XPR1: variants seen among roughly 807,000 people sequenced by gnomAD.
XPR1 encodes xenotropic and polytropic retrovirus receptor 1.
Under a neutral mutation model 87.5 loss-of-function variants are expected in XPR1, and 28 were observed. That is an observed-to-expected ratio of 0.32 (90% CI 0.24 to 0.44). The LOEUF is 0.44. XPR1 is among the 20% of genes least tolerant of loss of function. The pLI, the probability that XPR1 is intolerant of heterozygous loss-of-function variation, is 1.00. For missense variants in XPR1, 559 were observed against 862.3 expected (o/e 0.65, Z 4.41); for synonymous variants, 300 against 306.1 (o/e 0.98, Z 0.21).
At chr1:180,762,821 G>T (rs575871897) in intron 2 of XPR1, among the ~76,000 whole-genome samples, 1 of 152,284 alleles carries the variant, frequency 6.6e-6, no homozygotes, top group African/African-American at 2.4e-5. Context: ...ACTCTACTGG[G>T]ATGTACTAAT....
intron 2 of XPR1, among the ~76,000 whole-genome samples, chr1:180,705,332 G>A (rs1376320938): frequency 6.6e-6 from 1 of 152,098 alleles, no homozygotes; most frequent in Non-Finnish European, 1.5e-5. Flanking sequence ...CAGTGAAATT[G>A]GAAAAGGAAA....
chr1:180,639,406 TATTG>T (rs71661642), intron 1 of XPR1, among the ~76,000 whole-genome samples: 3,111 of 152,256 alleles, frequency 0.02, 107 homozygotes, highest in African/African-American at 0.071. Flanking sequence ...AGGCTTAATA[TATTG>T]ATTAAGAAAA....
At chr1:180,724,527 G>A (rs897113403) in intron 2 of XPR1, among the ~76,000 whole-genome samples, 6 of 152,138 alleles carry the variant, frequency 3.9e-5, no homozygotes, top group Admixed American at 6.6e-5. Context: ...TGGAAAAGTC[G>A]TAATGTAAAC....
At chr1:180,695,670 A>C (rs1411650570) in intron 2 of XPR1, among the ~76,000 whole-genome samples, 1 of 151,938 alleles carries the variant, frequency 6.6e-6, no homozygotes, top group Non-Finnish European at 1.5e-5. Context: ...TTTTCCCAGC[A>C]CCATTTTTTG....
At chr1:180,743,224 T>G (rs867534074) in intron 2 of XPR1, among the ~76,000 whole-genome samples, 1,873 of 149,452 alleles carry the variant, frequency 0.013, 10 homozygotes, top group African/African-American at 0.012. Context: ...CTTTTTTTTT[T>G]GGGGGGGGAG....
intron 2 of XPR1, among the ~76,000 whole-genome samples, chr1:180,705,568 C>G (rs987094698): frequency 1.3e-5 from 2 of 151,996 alleles, no homozygotes; most frequent in Non-Finnish European, 2.9e-5. Context: ...GCCATTACAA[C>G]AAGAAAATGA....
chr1:180,823,371 T>C (rs1413269847), intron 7 of XPR1, among the ~76,000 whole-genome samples: 1 of 152,112 alleles, frequency 6.6e-6, no homozygotes, highest in Non-Finnish European at 1.5e-5. Flanking sequence ...TAAAACGAAA[T>C]ATGTTGATTC....
intron 11 of XPR1, among the ~76,000 whole-genome samples, chr1:180,840,575 T>C (rs1456465883): frequency 8.3e-6 from 1 of 120,518 alleles, no homozygotes; most frequent in Non-Finnish European, 1.7e-5. Flanking sequence ...TGTATATATA[T>C]ATATATATAT....
chr1:180,769,732 A>G (rs1156245755), intron 2 of XPR1, among the ~76,000 whole-genome samples: 1 of 152,218 alleles, frequency 6.6e-6, no homozygotes, highest in Non-Finnish European at 1.5e-5. Context: ...AACGGCTGCA[A>G]CAAACATGGG....
At chr1:180,646,171 T>A (rs750037656) in intron 1 of XPR1, among the ~76,000 whole-genome samples, 7 of 152,182 alleles carry the variant, frequency 4.6e-5, no homozygotes, top group Non-Finnish European at 8.8e-5. Context: ...ATTTGTCTAG[T>A]TACAGTGCAA....
chr1:180,721,820 G>T (rs956872456), intron 2 of XPR1, among the ~76,000 whole-genome samples: 1 of 151,952 alleles, frequency 6.6e-6, no homozygotes, highest in South Asian at 2.1e-4. Flanking sequence ...TTTTTCTTAC[G>T]ACTTTCTTTT....
intron 3 of XPR1, among the ~76,000 whole-genome samples, chr1:180,790,485 A>G (rs549199555): frequency 2.6e-5 from 4 of 152,094 alleles, no homozygotes; most frequent in Non-Finnish European, 5.9e-5. Context: ...AGAACATGGC[A>G]TATATGCATG....
intron 2 of XPR1, among the ~76,000 whole-genome samples, chr1:180,783,086 A>AT (rs1649002922): frequency 6.6e-6 from 1 of 152,002 alleles, no homozygotes; most frequent in Non-Finnish European, 1.5e-5. Context: ...AACTGAAGTG[A>AT]AAGGCTTAAT....
intron 12 of XPR1, among the ~76,000 whole-genome samples, chr1:180,866,611 A>G (rs1365335336): frequency 1.3e-5 from 2 of 152,172 alleles, no homozygotes; most frequent in African/African-American, 4.8e-5. Flanking sequence ...CCTAATAATA[A>G]AGTGAATGTG....
At chr1:180,758,754 G>A (rs1325843282) in intron 2 of XPR1, 2 of 152,304 alleles carry the variant, frequency 1.3e-5, no homozygotes, top group Non-Finnish European at 2.9e-5. Context: ...TACTAAAATT[G>A]GAACGATACA....
chr1:180,813,048 C>CG lies in XPR1; in HGVS notation c.763+1560_763+1561insG, dbSNP rs199514965. Among the ~76,000 whole-genome samples, 692 of 147,330 alleles carry CG rather than the reference C, an allele frequency of 4.7e-3. 9 individuals carry two copies. Among genetic ancestry groups the CG allele is most frequent in the African/African-American group, 0.016 (659 of 40,480 alleles). On this transcript the variant is annotated intron_variant, in intron 7 of 14. Transcript: ENST00000367590. Reference sequence around the variant, plus strand: ...GCTACTAGTGTCTTTTTTCCCCCCCCCCAATGGAAGTTAGATCATGTCACT... The same window carrying CG: ...GCTACTAGTGTCTTTTTTCCCCCCCCGCCAATGGAAGTTAGATCATGTCACT...
chr1:180,717,908 G>A (rs1014808888), intron 2 of XPR1, among the ~76,000 whole-genome samples: 2 of 152,128 alleles, frequency 1.3e-5, no homozygotes, highest in Non-Finnish European at 2.9e-5. Context: ...GGCAAAAACC[G>A]CAATTACTTT....
chr1:180,709,801 G>T (rs1012442604), intron 2 of XPR1, among the ~76,000 whole-genome samples: 2 of 151,130 alleles, frequency 1.3e-5, no homozygotes, highest in African/African-American at 4.9e-5. Flanking sequence ...TTTATTTGCC[G>T]TTGGTATATC....
intron 14 of XPR1, among the ~76,000 whole-genome samples, chr1:180,882,270 G>T (rs896040390): frequency 5.9e-5 from 9 of 152,218 alleles, no homozygotes; most frequent in African/African-American, 2.2e-4. Flanking sequence ...GGAGAGAGCA[G>T]GGAATCCAAA....
Sources: gnomAD v4.1 joint callset for allele counts (sites outside exome capture counted in the v4.1 genomes callset) on GRCh38, gnomAD v4.1.1 for gene constraint, MANE v1.5 for transcripts, NCBI Gene and HGNC (gene_info 2026-07-23, HGNC 2026-07-21) for gene names.